CDH12: variants seen among roughly 807,000 people sequenced by gnomAD.
CDH12 encodes the protein cadherin 12.
A neutral mutation model predicts 74.1 loss-of-function variants in CDH12; 41 were observed. That is an observed-to-expected ratio of 0.55 (90% CI 0.43 to 0.72). The LOEUF is 0.72. Among genes scored for constraint, CDH12 ranks in the 30% least tolerant of loss-of-function variants. The pLI is 0.00. For synonymous variants in CDH12, 399 were observed against 355.0 expected (o/e 1.12, Z -1.39); for missense variants, 945 against 977.2 (o/e 0.97, Z 0.44).
intron 1 of CDH12, among the ~76,000 whole-genome samples, chr5:22,658,095 T>A (rs945178663): frequency 4.6e-5 from 7 of 152,192 alleles, no homozygotes; most frequent in Non-Finnish European, 7.4e-5. Context: ...CTTTTGCATA[T>A]GAATCACCTG....
At chr5:22,650,474 A>C (rs1490899482) in intron 1 of CDH12, among the ~76,000 whole-genome samples, 1 of 152,086 alleles carries the variant, frequency 6.6e-6, no homozygotes, top group Non-Finnish European at 1.5e-5. Context: ...TTGTAAGGGC[A>C]AGTGTCTATT....
intron 3 of CDH12, among the ~76,000 whole-genome samples, chr5:22,390,617 G>GAAAA: frequency 6.8e-6 from 1 of 146,296 alleles, no homozygotes; most frequent in Middle Eastern, 3.6e-3. Context: ...TAGATAGATA[G>GAAAA]ATAGATGATA....
chr5:22,752,272 T>C (rs1208995935), intron 1 of CDH12, among the ~76,000 whole-genome samples: 1 of 151,800 alleles, frequency 6.6e-6, no homozygotes, highest in Non-Finnish European at 1.5e-5. Context: ...TATGGAAAAA[T>C]TATAAGAAAA....
At chr5:22,519,572 C>T (rs1056325314) in intron 1 of CDH12, among the ~76,000 whole-genome samples, 3 of 151,766 alleles carry the variant, frequency 2.0e-5, no homozygotes, top group South Asian at 2.1e-4. Context: ...TACAGGCGCC[C>T]GTCACCACAC....
chr5:21,898,275 G>T (rs11739779), intron 6 of CDH12, among the ~76,000 whole-genome samples: 112,916 of 151,860 alleles, frequency 0.74, 44,135 homozygotes, highest in Non-Finnish European at 0.86. Context: ...AGGATGGAGT[G>T]TAGTGGTGTG....
chr5:22,714,133 G>C (rs1264629219), intron 1 of CDH12, among the ~76,000 whole-genome samples: 1 of 152,102 alleles, frequency 6.6e-6, no homozygotes, highest in Non-Finnish European at 1.5e-5. Context: ...CCATCAACTG[G>C]AGAGCTAATA....
At chr5:22,716,128 C>T (rs1001017931) in intron 1 of CDH12, among the ~76,000 whole-genome samples, 2 of 152,094 alleles carry the variant, frequency 1.3e-5, no homozygotes, top group African/African-American at 4.8e-5. Context: ...CAGAGCAAGA[C>T]TCTGTCTCAA....
chr5:22,666,282 CTTTTT>C (rs1161509257), intron 1 of CDH12, among the ~76,000 whole-genome samples: 2 of 83,540 alleles, frequency 2.4e-5, no homozygotes, highest in Non-Finnish European at 4.6e-5. Flanking sequence ...ATCTCTCTAT[CTTTTT>C]TTTTTTTTTT....
chr5:21,897,926 A>T (rs2150050954), intron 6 of CDH12, among the ~76,000 whole-genome samples: 1 of 152,280 alleles, frequency 6.6e-6, no homozygotes, highest in African/African-American at 2.4e-5. Flanking sequence ...AATGTAAAGC[A>T]AATGGAATAG....
intron 1 of CDH12, among the ~76,000 whole-genome samples, chr5:22,621,369 T>C (rs1737963324): frequency 6.6e-6 from 1 of 152,158 alleles, no homozygotes; most frequent in Non-Finnish European, 1.5e-5. Flanking sequence ...GTGCTGTTGT[T>C]CTGCCTAGCA....
At chr5:22,445,376 T>C (rs1744779835) in intron 2 of CDH12, among the ~76,000 whole-genome samples, 1 of 152,058 alleles carries the variant, frequency 6.6e-6, no homozygotes, top group Admixed American at 6.6e-5. Flanking sequence ...TACAGTTTTA[T>C]TTTCCCCTGC....
chr5:22,348,141 G>A (rs184513095), intron 3 of CDH12, among the ~76,000 whole-genome samples: 43 of 152,232 alleles, frequency 2.8e-4, no homozygotes, highest in East Asian at 7.7e-4. Context: ...AGGCAGCAGC[G>A]ACCACCACAG....
At chr5:22,257,445 C>A (rs1753358624) in intron 3 of CDH12, among the ~76,000 whole-genome samples, 1 of 150,248 alleles carries the variant, frequency 6.7e-6, no homozygotes, top group African/African-American at 2.4e-5. Context: ...TTTTTTTAAC[C>A]CATTTATGCC....
At chr5:22,446,896 G>T (rs1165569786) in intron 2 of CDH12, among the ~76,000 whole-genome samples, 1 of 152,002 alleles carries the variant, frequency 6.6e-6, no homozygotes, top group Non-Finnish European at 1.5e-5. Context: ...AATAGTCAAT[G>T]AATCAAAATA....
At chr5:22,790,928 C>T (rs376428324) in intron 1 of CDH12, among the ~76,000 whole-genome samples, 1 of 152,060 alleles carries the variant, frequency 6.6e-6, no homozygotes, top group East Asian at 1.9e-4. Flanking sequence ...CTATGGCAAC[C>T]ATAATGGACT....
At chr5:22,175,502 T>C (rs1749280442) in intron 4 of CDH12, among the ~76,000 whole-genome samples, 1 of 152,126 alleles carries the variant, frequency 6.6e-6, no homozygotes, top group African/African-American at 2.4e-5. Context: ...TAAATGTATT[T>C]CTTTGCCTAT....
At chr5:22,628,976 C>T (rs1264412882) in intron 1 of CDH12, among the ~76,000 whole-genome samples, 2 of 151,670 alleles carry the variant, frequency 1.3e-5, no homozygotes, top group East Asian at 3.9e-4. Flanking sequence ...ATGAAAAACT[C>T]TATGCACATA....
chr5:22,525,792 T>C (rs769313903), intron 1 of CDH12, among the ~76,000 whole-genome samples: 20 of 152,290 alleles, frequency 1.3e-4, no homozygotes, highest in Non-Finnish European at 2.4e-4. Flanking sequence ...GAGCAGACTG[T>C]TCAAAACCTG....
At chr5:22,471,453 T>G (rs1745955401) in intron 2 of CDH12, among the ~76,000 whole-genome samples, 1 of 152,198 alleles carries the variant, frequency 6.6e-6, no homozygotes, top group Admixed American at 6.6e-5. Flanking sequence ...ACTGACTCAT[T>G]ATTGTAAATA....
Sources: gnomAD v4.1 joint callset for allele counts (sites outside exome capture counted in the v4.1 genomes callset) on GRCh38, gnomAD v4.1.1 for gene constraint, MANE v1.5 for transcripts, NCBI Gene and HGNC (gene_info 2026-07-23, HGNC 2026-07-21) for gene names.